The following CFAP47 variants were observed in gnomAD, a reference collection of about 807,000 sequenced individuals.
CFAP47 encodes cilia- and flagella-associated protein 47.
Under a neutral mutation model 148.1 loss-of-function variants are expected in CFAP47, and 29 were observed. The ratio of observed to expected loss-of-function variants is 0.20; its 90% CI spans 0.15 to 0.27. CFAP47 has a LOEUF of 0.27. CFAP47 is among the 10% of genes least tolerant of loss of function. The probability of loss-of-function intolerance (pLI) is 1.00; values close to 1 mark genes in which losing one functional copy is unlikely to be tolerated. For missense variants in CFAP47, 1,872 were observed against 1,697.5 expected (o/e 1.10, Z -1.81); for synonymous variants, 664 against 577.3 (o/e 1.15, Z -2.15).
chrX:35,973,971 T>A (rs1175152542), intron 13 of CFAP47, among the ~76,000 whole-genome samples: 4 of 112,036 alleles, frequency 3.6e-5, no homozygotes, highest in African/African-American at 1.3e-4. Flanking sequence ...CTAGACACAG[T>A]TCTGGGTTCT....
At chrX:36,000,544 G>A (rs1936901579) in intron 20 of CFAP47, 117 bp downstream of exon 20, 1 of 263,974 alleles carries the variant, frequency 3.8e-6, no homozygotes, top group African/African-American at 2.8e-5. Context: ...TGTTTTTAAT[G>A]ACCACTGCAT....
At chrX:36,018,683 G>C (rs1937124407) in intron 22 of CFAP47, among the ~76,000 whole-genome samples, 1 of 111,673 alleles carries the variant, frequency 9.0e-6, no homozygotes, top group African/African-American at 3.3e-5. Flanking sequence ...TGCATCCCAG[G>C]GATAAATCCC....
Position 36,300,999 on chromosome X carries a change from G to A in CFAP47, c.7863-73G>A, listed in dbSNP as rs1259376417. 8 of 554,906 alleles carry A rather than the reference G, an allele frequency of 1.4e-5. No homozygotes were observed. The East Asian group carries it at 3.0e-4, about 21-fold the overall frequency. 45.7% of individuals were successfully genotyped at this position (554,906 alleles called of 1,213,427 possible). A position where few individuals can be genotyped will look rare whatever the true frequency, so the allele number is the denominator to read the frequency against. On this transcript the variant is annotated intron_variant, in intron 52 of 63. Coordinates refer to ENST00000378653, the MANE Select transcript of CFAP47 (RefSeq NM_001304548.2). ...AACCAACTATTTATACTAGTTTGGG[G>A]TATACTACTTCTGCCCAATTTATTA...
intron 44 of CFAP47, among the ~76,000 whole-genome samples, chrX:36,204,192 C>T (rs1029437474): frequency 3.6e-5 from 4 of 110,696 alleles, no homozygotes; most frequent in Non-Finnish European, 7.6e-5. Context: ...TTCTCCCATT[C>T]TGTAGGTTGC....
intron 48 of CFAP47, among the ~76,000 whole-genome samples, chrX:36,246,254 G>A (rs1239911477): frequency 9.0e-6 from 1 of 111,463 alleles, no homozygotes; most frequent in African/African-American, 3.3e-5. Flanking sequence ...TGCACAGGAC[G>A]TGAATAAACC....
chrX:36,150,854 G>C (rs1356270417), intron 37 of CFAP47, among the ~76,000 whole-genome samples: 1 of 111,318 alleles, frequency 9.0e-6, no homozygotes, highest in Non-Finnish European at 1.9e-5. Context: ...ATAATAAAAA[G>C]AACCTACCCA....
At chrX:36,067,952 C>T (rs1429272603) in intron 27 of CFAP47, among the ~76,000 whole-genome samples, 1 of 111,619 alleles carries the variant, frequency 9.0e-6, no homozygotes, top group Non-Finnish European at 1.9e-5. Flanking sequence ...CGCCTGGCCG[C>T]CACGGTGATA....
At chrX:36,000,997 T>C (rs984117325) in intron 20 of CFAP47, among the ~76,000 whole-genome samples, 4 of 111,321 alleles carry the variant, frequency 3.6e-5, no homozygotes, top group African/African-American at 1.3e-4. Flanking sequence ...ACTGGCAGAG[T>C]TGAAAAGCTG....
chrX:35,932,173 C>T (rs1212986540), intron 2 of CFAP47, among the ~76,000 whole-genome samples: 1 of 109,750 alleles, frequency 9.1e-6, no homozygotes, highest in Non-Finnish European at 1.9e-5. Context: ...CTCAGCCCCC[C>T]AAGTTGCTTG....
chrX:36,382,573 G>A (rs1360373854), intron 63 of CFAP47, among the ~76,000 whole-genome samples: 1 of 111,371 alleles, frequency 9.0e-6, no homozygotes, highest in Non-Finnish European at 1.9e-5. Context: ...TAATGGATAA[G>A]TATCAATTGT....
intron 9 of CFAP47, among the ~76,000 whole-genome samples, chrX:35,967,131 G>A (rs749791244): frequency 9.0e-5 from 10 of 111,043 alleles, no homozygotes; most frequent in South Asian, 3.8e-4. Flanking sequence ...TGAGGATTGC[G>A]CTTTGAGTAG....
chrX:36,198,090 G>A (rs1231933741), intron 42 of CFAP47, among the ~76,000 whole-genome samples: 1 of 111,119 alleles, frequency 9.0e-6, no homozygotes. Flanking sequence ...AAATATTTGG[G>A]GAGATTTATT....
chrX:36,072,404 A>G (rs948679062), intron 28 of CFAP47, among the ~76,000 whole-genome samples: 8 of 112,093 alleles, frequency 7.1e-5, no homozygotes, highest in African/African-American at 2.6e-4. Context: ...AGAACTAAGG[A>G]CTTGTCTCTT....
chrX:35,961,550 T>C (rs1184684876), intron 8 of CFAP47, among the ~76,000 whole-genome samples: 1 of 111,422 alleles, frequency 9.0e-6, no homozygotes, highest in Non-Finnish European at 1.9e-5. Context: ...TTCAGTAGTT[T>C]ATGTCTTTCT....
intron 49 of CFAP47, among the ~76,000 whole-genome samples, chrX:36,266,581 G>A (rs782422228): frequency 2.7e-4 from 30 of 109,653 alleles, no homozygotes; most frequent in Non-Finnish European, 4.6e-4. Context: ...ATGCCTTCTG[G>A]TGGGAGGATG....
chrX:36,249,409 T>C (rs1555997746), intron 48 of CFAP47, among the ~76,000 whole-genome samples: 1 of 110,262 alleles, frequency 9.1e-6, no homozygotes. Context: ...GCCCATAAAT[T>C]TGATAATTTG....
At chrX:36,101,837 T>A (rs1170497845) in intron 32 of CFAP47, among the ~76,000 whole-genome samples, 2 of 111,876 alleles carry the variant, frequency 1.8e-5, no homozygotes, top group Non-Finnish European at 3.8e-5. Context: ...AAAATGAACA[T>A]TATGTTTTCT....
At chrX:36,360,160 G>A (rs1366928092) in intron 60 of CFAP47, among the ~76,000 whole-genome samples, 5 of 111,743 alleles carry the variant, frequency 4.5e-5, no homozygotes, top group African/African-American at 1.6e-4. Context: ...TGTAATAATA[G>A]TTCCCTTGTA....
intron 62 of CFAP47, among the ~76,000 whole-genome samples, chrX:36,371,409 A>G (rs1033930800): frequency 9.2e-6 from 1 of 108,877 alleles, no homozygotes; most frequent in Non-Finnish European, 1.9e-5. Flanking sequence ...ATTTGGGATC[A>G]TGCTACATAG....
Sources: allele counts gnomAD v4.1 joint callset (sites outside exome capture counted in the v4.1 genomes callset), GRCh38; gene constraint gnomAD v4.1.1; transcripts MANE v1.5; gene names NCBI Gene and HGNC (gene_info 2026-07-23, HGNC 2026-07-21).